SPINDOC: variants seen among roughly 807,000 people sequenced by gnomAD.
SPINDOC encodes the protein spindlin interactor and repressor of chromatin-binding protein.
Under a neutral mutation model 30.7 loss-of-function variants are expected in SPINDOC, and 13 were observed. That is an observed-to-expected ratio of 0.42 (90% confidence interval 0.28 to 0.67). SPINDOC has a LOEUF of 0.67. Ranked by LOEUF, SPINDOC falls within the 30% of genes least tolerant of loss-of-function variation. SPINDOC has a pLI of 0.22. For missense variants in SPINDOC, 438 were observed against 518.0 expected, an observed-to-expected ratio of 0.85 and a Z score of 1.50; for synonymous variants, 228 against 211.4, an observed-to-expected ratio of 1.08 and a Z score of -0.68.
chr11:63,825,860 A>G (rs1446801461), intron 5 of SPINDOC, among the ~76,000 whole-genome samples: 1 of 152,194 alleles, frequency 6.6e-6, no homozygotes, highest in Admixed American at 6.5e-5. Context: ...TAGAAAAGGA[A>G]CACACACAAA....
At chr11:63,817,133 A>G (rs935437479) in intron 1 of SPINDOC, among the ~76,000 whole-genome samples, 1 of 152,102 alleles carries the variant, frequency 6.6e-6, no homozygotes, top group Admixed American at 6.6e-5. Context: ...GTAAGCTATG[A>G]TAACACCACT....
chr11:63,816,690 T>G (rs182823423), intron 1 of SPINDOC, among the ~76,000 whole-genome samples: 12 of 152,348 alleles, frequency 7.9e-5, no homozygotes, highest in Non-Finnish European at 1.8e-4. Flanking sequence ...GTAAAAGCAC[T>G]GAGCTTCCAG....
chr11:63,813,764 G>A lies in SPINDOC; in HGVS notation c.78G>A (p.Glu26=), dbSNP rs1344797376. 1.3e-6 allele frequency: 2 copies of A among 1,593,408 alleles called. No individual in the cohort carries two copies. The highest frequency in any genetic ancestry group is 4.8e-5 in the East Asian group (2 of 41,866). Residue 26 remains glutamate, a synonymous_variant, in exon 1 of 6, where the codon GAG becomes GAA. Coordinates refer to ENST00000294244, the MANE Select transcript of SPINDOC (RefSeq NM_138471.3). Reference sequence around the variant, plus strand: ...AATGCGAGGAAGGGGAGGACGAGGAGGAGGCCATGGTGGTGGCCGTAATTC... The same window carrying A: ...AATGCGAGGAAGGGGAGGACGAGGAAGAGGCCATGGTGGTGGCCGTAATTC... ...TLKCEEGEDE[E]EAMVVAVIPR...
Position 63,813,595 on chromosome 11 carries a change from T to C in SPINDOC, c.-92T>C. ...GCGGGGCGGGCGGCGGGCCCGGCGC[T>C]ATTCCGGCCAGGAGGCGGGAGGCGG... is the stretch of plus-strand genomic sequence containing the variant. On this transcript the variant is annotated 5_prime_UTR_variant, in exon 1 of 6. Coordinates refer to ENST00000294244, the MANE Select transcript of SPINDOC (RefSeq NM_138471.3). 1 of 1,223,476 alleles carries C rather than the reference T, an allele frequency of 8.2e-7. No homozygotes were observed. Among genetic ancestry groups the C allele is most frequent in the Non-Finnish European group, 1.0e-6 (1 of 961,032 alleles). The allele number at this position is 1,223,476 out of a possible 1,614,324, so 75.8% of individuals were successfully genotyped here. A position where few individuals can be genotyped will look rare whatever the true frequency, so the allele number is the denominator to read the frequency against.
At chr11:63,819,340 AGCTGGGATTACAGGCGTGC>A (rs1250849596) in intron 5 of SPINDOC, among the ~76,000 whole-genome samples, 3 of 152,098 alleles carry the variant, frequency 2.0e-5, no homozygotes, top group Admixed American at 2.0e-4. Context: ...CCTCCCTAGT[AGCTGGGATTACAGGCGTGC>A]GCCACCATAC....
At chr11:63,821,065 AC>A in intron 5 of SPINDOC, among the ~76,000 whole-genome samples, 1 of 152,098 alleles carries the variant, frequency 6.6e-6, no homozygotes, top group South Asian at 2.1e-4. Flanking sequence ...ACAAAACAAA[AC>A]CCAAATTTAT....
At chr11:63,822,998 G>A (rs766724241) in intron 5 of SPINDOC, 6 of 1,045,204 alleles carry the variant, frequency 5.7e-6, no homozygotes, top group Admixed American at 4.7e-5. Context: ...CAGCCTTCGT[G>A]GAGGTTGGAG....
In SPINDOC at chr11:63,818,715, A is replaced by G. The variant is rs2015421162; in HGVS notation, c.733+63A>G. ...GCAGTGCTCTGAGGAAATCCGCATC[A>G]GTGAGGATGGAGCAGGGCCTGGGCG... On this transcript the variant is annotated intron_variant, in intron 4 of 5. Coordinates refer to ENST00000294244, the MANE Select transcript of SPINDOC (RefSeq NM_138471.3). The surrounding 1 kb of genome is among the most constrained non-coding windows in gnomAD (Gnocchi z 5.3). 1 of 1,611,754 alleles carries G rather than the reference A, an allele frequency of 6.2e-7. No individual in the cohort carries two copies. Among genetic ancestry groups the G allele is most frequent in the Non-Finnish European group, 8.5e-7 (1 of 1,179,378 alleles).
intron 5 of SPINDOC, among the ~76,000 whole-genome samples, chr11:63,826,238 A>G (rs1487157235): frequency 2.6e-5 from 4 of 152,148 alleles, no homozygotes; most frequent in Non-Finnish European, 5.9e-5. Context: ...GCCCAGCCCT[A>G]ATGTAACGTA....
chr11:63,826,379 G>A (rs746442379), intron 5 of SPINDOC, among the ~76,000 whole-genome samples: 3 of 152,160 alleles, frequency 2.0e-5, no homozygotes, highest in East Asian at 1.9e-4. Flanking sequence ...TACTGGTAAG[G>A]TGGACACCTG....
rs577417117 is a variant in SPINDOC, at chr11:63,816,355, C to T, written c.128-1450C>T. Among the ~76,000 whole-genome samples, 14 of 152,238 alleles carry T rather than the reference C, an allele frequency of 9.2e-5. No individual in the cohort carries two copies. In the South Asian group the frequency reaches 2.9e-3, roughly 32 times the overall value. On this transcript the variant is annotated intron_variant, in intron 1 of 5. Coordinates refer to ENST00000294244, the MANE Select transcript of SPINDOC (RefSeq NM_138471.3). ...TGAAAATCAAGATGGAAGAGGTGAT[C>T]GGCAGAGGATGAAGTTGAGAAACTG...
chr11:63,818,921 A>G lies in SPINDOC; in HGVS notation c.853A>G (p.Arg285Gly), dbSNP rs768380262. 3.1e-6 allele frequency: 5 copies of G among 1,614,158 alleles called. No individual in the cohort carries two copies. In the South Asian group the frequency reaches 3.3e-5, roughly 11 times the overall value. ...VLQLFSHTQLRGPDSKDSPKD... is the reference protein window; with the variant it reads ...VLQLFSHTQLGGPDSKDSPKD... Reference sequence around the variant, plus strand: ...GCAGCTCTTCTCCCACACCCAGCTCAGGGGCCCAGACAGCAAGGACTCACC... The same window carrying G: ...GCAGCTCTTCTCCCACACCCAGCTCGGGGGCCCAGACAGCAAGGACTCACC... Residue 285 changes from arginine to glycine, a missense_variant, in exon 5 of 6, where the codon AGG (arginine) becomes GGG (glycine). Coordinates refer to ENST00000294244, the MANE Select transcript of SPINDOC (RefSeq NM_138471.3). This position sits in a 1 kb window ranked among gnomAD's most constrained non-coding sequence, Gnocchi z 5.3.
intron 5 of SPINDOC, among the ~76,000 whole-genome samples, chr11:63,822,265 G>A (rs1156275527): frequency 6.7e-6 from 1 of 148,434 alleles, no homozygotes; most frequent in Admixed American, 6.9e-5. Flanking sequence ...GATCACTTGA[G>A]CCCAAGAATT....
chr11:63,817,707 T>TC, intron 1 of SPINDOC, 98 bp from the exon 2 acceptor site: 1 of 1,120,202 alleles, frequency 8.9e-7, no homozygotes, highest in Non-Finnish European at 1.3e-6. Context: ...AATGCTCTCC[T>TC]CCCCCATCCC....
chr11:63,822,609 T>A (rs1385427471), intron 5 of SPINDOC: 1 of 1,289,120 alleles, frequency 7.8e-7, no homozygotes, highest in Non-Finnish European at 1.0e-6. Flanking sequence ...TTCACGTAGA[T>A]CACAGTTTTA....
chr11:63,813,938 C>T (rs1016628127), intron 1 of SPINDOC, 125 bp downstream of exon 1: 73 of 1,257,750 alleles, frequency 5.8e-5, no homozygotes, highest in Non-Finnish European at 7.4e-5. Context: ...GCCCAGGTTT[C>T]CCTCTCGGAT....
chr11:63,815,153 TGG>T (rs2015305643), intron 1 of SPINDOC, among the ~76,000 whole-genome samples: 2 of 152,198 alleles, frequency 1.3e-5, no homozygotes, highest in Non-Finnish European at 2.9e-5. Flanking sequence ...AGAGGAGGAA[TGG>T]GTATTTAATT....
In SPINDOC at chr11:63,818,793, C is replaced by G. The variant is rs780429410; in HGVS notation, c.734-9C>G. On this transcript the variant is annotated splice_polypyrimidine_tract_variant and intron_variant, in intron 4 of 5. Transcript: ENST00000294244. This position sits in a 1 kb window ranked among gnomAD's most constrained non-coding sequence, Gnocchi z 5.3. ...TTCACTCACAGTTCCATCCCGTCCT[C>G]CCTTCCAGAGCCCCCATCGCCAGAC... 3.7e-6 allele frequency: 6 copies of G among 1,613,636 alleles called. No homozygotes were observed. Among genetic ancestry groups the G allele is most frequent in the Non-Finnish European group, 5.1e-6 (6 of 1,180,016 alleles).
chr11:63,827,101 A>G lies in SPINDOC; in HGVS notation c.1108A>G (p.Thr370Ala), dbSNP rs2015673136. The change falls in exon 6 of 6, where the codon ACT becomes GCT. Residue 370 changes from threonine (T) to alanine (A), a missense_variant. Thr to Ala is a moderately conservative substitution (Grantham distance 58, BLOSUM62 0). Transcript: ENST00000294244. ...WPTVLSESST[T>A]VAGKPEKGNG... ...CACAGTTCTGTCAGAATCCAGCACC[A>G]CTGTGGCAGGGAAGCCGGAAAAAGG... 6.2e-7 allele frequency: 1 copy of G among 1,607,262 alleles called. No homozygotes were observed. The highest frequency in any genetic ancestry group is 1.3e-5 in the African/African-American group (1 of 74,562).
Sources: allele counts gnomAD v4.1 joint callset (sites outside exome capture counted in the v4.1 genomes callset), GRCh38; gene constraint gnomAD v4.1.1; non-coding constraint Gnocchi (gnomAD v3.1); transcripts MANE v1.5; gene names NCBI Gene and HGNC (gene_info 2026-07-23, HGNC 2026-07-21).